The following FHOD1 variants were observed in gnomAD, a reference collection of about 807,000 sequenced individuals.
The protein encoded by FHOD1 is FH1/FH2 domain-containing protein 1.
FHOD1 carries 89 observed loss-of-function variants against 111.6 expected under a neutral mutation model. That is an observed-to-expected ratio of 0.80 (90% CI 0.67 to 0.95). The LOEUF is 0.95. FHOD1 is among the 40% of genes least tolerant of loss of function. The pLI is 0.00. For missense variants in FHOD1, 1,446 were observed against 1,554.2 expected, an observed-to-expected ratio of 0.93 and a Z score of 1.17; for synonymous variants, 618 against 639.0, an observed-to-expected ratio of 0.97 and a Z score of 0.50.
intron 1 of FHOD1, among the ~76,000 whole-genome samples, chr16:67,243,436 ACTC>A (rs1247686216): frequency 6.7e-6 from 1 of 149,484 alleles, no homozygotes; most frequent in African/African-American, 2.5e-5. Flanking sequence ...CTGTTCTTGA[ACTC>A]CTGGCCTCAA....
chr16:67,246,566 G>A lies in FHOD1; in HGVS notation c.201+644C>T, dbSNP rs189458393. ...TTTCAGGCGCGGGCCGATGGGCGGC[G>A]AGTGTCCGGGGGTGGGGGCGGGAGC... On this transcript the variant is annotated intron_variant, in intron 1 of 21. Coordinates refer to ENST00000258201, the MANE Select transcript of FHOD1 (RefSeq NM_013241.3). 3.4e-3 allele frequency among the ~76,000 whole-genome samples: 512 copies of A among 152,280 alleles called. 14 individuals carry two copies. The highest frequency in any genetic ancestry group is 0.029 in the Admixed American group (446 of 15,308).
rs761702242 is a variant in FHOD1 at position 67,237,632 on chromosome 16, G to T, written c.754+25C>A. 4.3e-6 allele frequency: 7 copies of T among 1,612,852 alleles called. No individual in the cohort carries two copies. The Admixed American group carries it at 1.0e-4, about 23-fold the overall frequency. ...GTAGGAGAGAGGGCTCTGAGCGGTG[G>T]GGGGAGAAAGGGACAGTCTCTGACC... On this transcript the variant is annotated intron_variant, in intron 7 of 21. Coordinates refer to ENST00000258201, the MANE Select transcript of FHOD1 (RefSeq NM_013241.3). This position sits in a 1 kb window ranked among gnomAD's most constrained non-coding sequence, Gnocchi z 5.6.
At chr16:67,236,911 A>C (rs2034503471) in intron 10 of FHOD1, 55 bp downstream of exon 10, 1 of 1,529,626 alleles carries the variant, frequency 6.5e-7, no homozygotes, top group African/African-American at 1.4e-5. Flanking sequence ...CTGTCAGCTC[A>C]CTGGGCCATG....
chr16:67,239,426 G>A lies in FHOD1; in HGVS notation c.230C>T (p.Pro77Leu), dbSNP rs1299959982. Residue 77 changes from proline to leucine, a missense_variant, in exon 2 of 22, where the codon CCC becomes CTC. Coordinates refer to ENST00000258201, the MANE Select transcript of FHOD1 (RefSeq NM_013241.3). Reference sequence around the variant, plus strand: ...CTCGGTGTCCAGGTAGTATCCGGAGGGAGACACTTGCAGAGCACAATCCTC... The same window carrying A: ...CTCGGTGTCCAGGTAGTATCCGGAGAGAGACACTTGCAGAGCACAATCCTC... ...KLEDCALQVSPSGYYLDTELS... is the reference protein window; with the variant it reads ...KLEDCALQVSLSGYYLDTELS... 1 of 1,614,088 alleles carries A rather than the reference G, an allele frequency of 6.2e-7. No individual in the cohort carries two copies. Among genetic ancestry groups the A allele is most frequent in the Non-Finnish European group, 8.5e-7 (1 of 1,180,016 alleles).
intron 1 of FHOD1, among the ~76,000 whole-genome samples, chr16:67,240,978 A>C (rs779527406): frequency 1.2e-4 from 19 of 152,138 alleles, no homozygotes; most frequent in South Asian, 1.0e-3. Flanking sequence ...AGGGCTTCCA[A>C]CTGGCCTTGG....
At chr16:67,239,564 C>T (rs560908796) in intron 1 of FHOD1, 110 bp from the exon 2 acceptor site, 92 of 759,806 alleles carry the variant, frequency 1.2e-4, no homozygotes, top group Admixed American at 5.7e-4. Context: ...GACACAGGGT[C>T]TGCACTACAG....
At chr16:67,245,986 T>G (rs1017584600) in intron 1 of FHOD1, among the ~76,000 whole-genome samples, 2 of 152,142 alleles carry the variant, frequency 1.3e-5, no homozygotes, top group African/African-American at 4.8e-5. Flanking sequence ...CCCCTCTGAA[T>G]AGGGCAAGAG....
chr16:67,230,591 A>T lies in FHOD1; in HGVS notation c.2858+10T>A. 1 of 1,614,064 alleles carries T rather than the reference A, an allele frequency of 6.2e-7. No individual in the cohort carries two copies. The highest frequency in any genetic ancestry group is 8.5e-7 in the Non-Finnish European group (1 of 1,179,922). On this transcript the variant is annotated intron_variant, in intron 18 of 21. Transcript: ENST00000258201. Reference sequence around the variant, plus strand: ...TGGCCGTCCTGCCTCTCTTGGGTCCATGCCCCTACCTATTGCAGACACGGC... The same window carrying T: ...TGGCCGTCCTGCCTCTCTTGGGTCCTTGCCCCTACCTATTGCAGACACGGC...
At chr16:67,242,800 A>G (rs1293786055) in intron 1 of FHOD1, among the ~76,000 whole-genome samples, 1 of 152,082 alleles carries the variant, frequency 6.6e-6, no homozygotes, top group East Asian at 1.9e-4. Flanking sequence ...TGGCAGCCCA[A>G]AACCAACTGG....
In FHOD1 at chr16:67,231,802, C is replaced by T; in HGVS notation, c.2220G>A (p.Met740Ile). The change falls in exon 15 of 22, where the codon ATG becomes ATA. Residue 740 changes from methionine (M) to isoleucine (I), a missense_variant. Met to Ile is a conservative substitution (Grantham distance 10). Transcript: ENST00000258201. The surrounding 1 kb of genome is among the most constrained non-coding windows in gnomAD (Gnocchi z 4.3). ...KDGIEKLLTMMPTEEERQKIE... is the reference protein window; with the variant it reads ...KDGIEKLLTMIPTEEERQKIE... ...TCTTCTGCCGCTCTTCCTCCGTGGGCATCATGGTCAGTAGCTTCTGAGGAT... is the reference window on the plus strand; with the variant it reads ...TCTTCTGCCGCTCTTCCTCCGTGGGTATCATGGTCAGTAGCTTCTGAGGAT... 1 of 1,614,082 alleles carries T rather than the reference C, an allele frequency of 6.2e-7. No homozygotes were observed. Among genetic ancestry groups the T allele is most frequent in the Non-Finnish European group, 8.5e-7 (1 of 1,179,972 alleles).
At position 67,236,869 on chromosome 16, in the gene FHOD1, GGGGC is replaced by G. The variant is rs1166225978; in HGVS notation, c.1142+93_1142+96del. The G allele has an allele frequency of 6.4e-5, 95 of 1,479,064 alleles. No individual in the cohort carries two copies. The African/African-American group carries it at 1.3e-3, about 21-fold the overall frequency. The allele number at this position is 1,479,064 out of a possible 1,614,324, so 91.6% of individuals were successfully genotyped here. On this transcript the variant is annotated intron_variant, in intron 10 of 21. Transcript: ENST00000258201. ...AGTGGAGGAGGTGGGGGCTGTCTGT[GGGGC>G]GGGGCCTGAGGGGGTTGGGGTCAGG...
At chr16:67,233,157 ACT>A (rs1210269868) in intron 13 of FHOD1, among the ~76,000 whole-genome samples, 2 of 148,432 alleles carry the variant, frequency 1.3e-5, no homozygotes, top group African/African-American at 5.0e-5. Flanking sequence ...TGCGATCTCG[ACT>A]CACTGCAACC....
At chr16:67,232,292 T>C in intron 13 of FHOD1, 98 bp from the exon 14 acceptor site, 8 of 1,227,206 alleles carry the variant, frequency 6.5e-6, no homozygotes, top group Non-Finnish European at 9.3e-6. Context: ...CCAAGGCGGG[T>C]GGACCACGAG....
Position 67,231,678 on chromosome 16 carries a change from G to A in FHOD1, c.2344C>T (p.Gln782Ter). The A allele has an allele frequency of 6.2e-7, 1 of 1,614,190 alleles. No homozygotes were observed. Among genetic ancestry groups the A allele is most frequent in the East Asian group, 2.2e-5 (1 of 44,882 alleles). Residue 782 changes from glutamine (Q) to a stop codon, truncating the protein, a stop_gained, in exon 15 of 22, where the codon CAA becomes TAA. Coordinates refer to ENST00000258201, the MANE Select transcript of FHOD1 (RefSeq NM_013241.3). LOFTEE classifies it high-confidence loss of function. The surrounding 1 kb of genome is among the most constrained non-coding windows in gnomAD (Gnocchi z 4.3). ...ASIGGLAARLQLWAFKLDYDS... is the reference protein window; with the variant it reads ...ASIGGLAARL ...TAGTCCAGCTTGAAGGCCCAGAGTT[G>A]TAGACGAGCAGCGAGGCCGCCAATG...
chr16:67,235,339 G>A (rs2034436959), intron 11 of FHOD1, among the ~76,000 whole-genome samples: 1 of 152,052 alleles, frequency 6.6e-6, no homozygotes, highest in Non-Finnish European at 1.5e-5. Context: ...AGACCAGCCT[G>A]GCCAACATGG....
At position 67,236,581 on chromosome 16, in the gene FHOD1, G is replaced by A. The variant is rs2034484258; in HGVS notation, c.1295C>T (p.Thr432Ile). The A allele has an allele frequency of 2.5e-6, 4 of 1,613,646 alleles. No homozygotes were observed. Among genetic ancestry groups the A allele is most frequent in the African/African-American group, 1.3e-5 (1 of 75,026 alleles). ...PTISVAPSAD[T>I]SSERSIYKAR... ...CTTGTAGATGCTCCTCTCGCTGGAG[G>A]TGTCAGCTGAGGGTGCCACAGAGAT... Residue 432 changes from threonine to isoleucine, a missense_variant, in exon 11 of 22, where the codon ACC (threonine) becomes ATC (isoleucine). By Grantham distance (89) the Thr-to-Ile change is moderately conservative. This residue lies in a region of FHOD1 where 1,085 missense variants were observed against 1,108.8 expected (regional missense o/e 0.98). Transcript: ENST00000258201.
rs1465454109 is a variant in FHOD1 at position 67,230,584 on chromosome 16, T to C, written c.2858+17A>G. On this transcript the variant is annotated intron_variant, in intron 18 of 21. Transcript: ENST00000258201. ...AGGGTGGTGGCCGTCCTGCCTCTCT[T>C]GGGTCCATGCCCCTACCTATTGCAG... 4 of 1,613,914 alleles carry C rather than the reference T, an allele frequency of 2.5e-6. No homozygotes were observed. Among genetic ancestry groups the C allele is most frequent in the Non-Finnish European group, 3.4e-6 (4 of 1,179,814 alleles).
intron 1 of FHOD1, among the ~76,000 whole-genome samples, chr16:67,241,329 T>C: frequency 6.6e-6 from 1 of 152,128 alleles, no homozygotes; most frequent in East Asian, 1.9e-4. Flanking sequence ...CTGGGGTATC[T>C]TGTCCAGGGC....
At position 67,229,578 on chromosome 16, in the gene FHOD1, T is replaced by C. The variant is rs2034163629; in HGVS notation, c.*58A>G. On this transcript the variant is annotated 3_prime_UTR_variant, in exon 22 of 22. Coordinates refer to ENST00000258201, the MANE Select transcript of FHOD1 (RefSeq NM_013241.3). ...GAATTCTGCTCTGGGCCCTCCTCAC[T>C]CTGTCATCTCCTGCACTGCAGTCCA... 1 of 1,494,740 alleles carries C rather than the reference T, an allele frequency of 6.7e-7. No individual in the cohort carries two copies. Among genetic ancestry groups the C allele is most frequent in the African/African-American group, 1.4e-5 (1 of 72,598 alleles). 92.6% of individuals were successfully genotyped at this position (1,494,740 alleles called of 1,614,324 possible).
Sources: allele counts gnomAD v4.1 joint callset (sites outside exome capture counted in the v4.1 genomes callset), GRCh38; gene constraint gnomAD v4.1.1; regional missense constraint gnomAD v4.1.1; non-coding constraint Gnocchi (gnomAD v3.1); transcripts MANE v1.5; gene names NCBI Gene and HGNC (gene_info 2026-07-23, HGNC 2026-07-21).